SAE1: variants seen among roughly 807,000 people sequenced by gnomAD.
SAE1 encodes SUMO-activating enzyme subunit 1.
SAE1 carries 11 observed loss-of-function variants against 40.6 expected under a neutral mutation model. The observed-to-expected ratio is 0.27, with a 90% confidence interval of 0.17 to 0.45. The LOEUF is 0.45. Among genes scored for constraint, SAE1 ranks in the 20% least tolerant of loss-of-function variants. The pLI, the probability that SAE1 is intolerant of heterozygous loss-of-function variation, is 1.00. For synonymous variants in SAE1, 155 were observed against 154.3 expected (o/e 1.00, Z -0.03); for missense variants, 373 against 427.3 (o/e 0.87, Z 1.12).
At chr19:47,170,503 C>CTTTTTTTTTT (rs34836827) in intron 6 of SAE1, among the ~76,000 whole-genome samples, 4 of 83,910 alleles carry the variant, frequency 4.8e-5, no homozygotes, top group Non-Finnish European at 6.5e-5. Context: ...CGCCCCCCGC[C>CTTTTTTTTTT]TTTTTTTTTT....
chr19:47,161,179 C>CA (rs1330263062), intron 5 of SAE1, among the ~76,000 whole-genome samples: 2 of 98,672 alleles, frequency 2.0e-5, no homozygotes, highest in Admixed American at 1.4e-4. Context: ...CTAATTTTTT[C>CA]GGGTTTTTTT....
intron 5 of SAE1, 74 bp downstream of exon 5, chr19:47,155,287 A>G (rs2058315566): frequency 9.5e-7 from 1 of 1,049,584 alleles, no homozygotes; most frequent in Non-Finnish European, 1.5e-6. Flanking sequence ...ATTGAAAAGG[A>G]TAAGAGCAAG....
intron 3 of SAE1, among the ~76,000 whole-genome samples, chr19:47,152,067 C>G (rs189257671): frequency 6.6e-6 from 1 of 152,212 alleles, no homozygotes; most frequent in African/African-American, 2.4e-5. Context: ...AGTGTTATTT[C>G]GGTATTCAGG....
intron 2 of SAE1, among the ~76,000 whole-genome samples, chr19:47,147,881 C>T (rs2058264359): frequency 6.6e-6 from 1 of 151,730 alleles, no homozygotes. Context: ...GCCTCAGCCT[C>T]CCTAGTAGCT....
intron 6 of SAE1, among the ~76,000 whole-genome samples, chr19:47,190,685 C>G (rs978029703): frequency 3.3e-5 from 5 of 152,126 alleles, no homozygotes; most frequent in Admixed American, 2.0e-4. Flanking sequence ...AGGCAAGGGT[C>G]CCAGAGAAAC....
At chr19:47,135,073 G>T (rs1025761125) in intron 1 of SAE1, among the ~76,000 whole-genome samples, 2 of 152,030 alleles carry the variant, frequency 1.3e-5, no homozygotes, top group African/African-American at 2.4e-5. Flanking sequence ...TATACATTTT[G>T]GGGGTATGTG....
intron 5 of SAE1, among the ~76,000 whole-genome samples, chr19:47,155,525 A>G (rs1041714618): frequency 6.6e-6 from 1 of 151,938 alleles, no homozygotes; most frequent in African/African-American, 2.4e-5. Context: ...CAATGGCATG[A>G]TCTCGGCTCA....
At chr19:47,150,701 T>A (rs2058282709) in intron 3 of SAE1, among the ~76,000 whole-genome samples, 1 of 152,226 alleles carries the variant, frequency 6.6e-6, no homozygotes, top group South Asian at 2.1e-4. Context: ...CTTTAATCCA[T>A]GTTATTGCAA....
chr19:47,158,653 C>T (rs1359628521), intron 5 of SAE1, among the ~76,000 whole-genome samples: 1 of 152,184 alleles, frequency 6.6e-6, no homozygotes, highest in Admixed American at 6.5e-5. Context: ...TGTGGCTGCC[C>T]TCACTGCCGC....
At chr19:47,149,804 A>G (rs2058276404) in intron 2 of SAE1, among the ~76,000 whole-genome samples, 1 of 152,192 alleles carries the variant, frequency 6.6e-6, no homozygotes, top group Admixed American at 6.5e-5. Context: ...AGGGCTGTGC[A>G]CAGTGTTTCA....
chr19:47,148,625 T>G (rs1482702359), intron 2 of SAE1, among the ~76,000 whole-genome samples: 1 of 151,600 alleles, frequency 6.6e-6, no homozygotes, highest in African/African-American at 2.4e-5. Flanking sequence ...TTCTTTTTTT[T>G]TTTTTTTGAG....
At chr19:47,201,939 C>T (rs991968279) in intron 7 of SAE1, among the ~76,000 whole-genome samples, 4 of 152,024 alleles carry the variant, frequency 2.6e-5, no homozygotes, top group Non-Finnish European at 5.9e-5. Flanking sequence ...AGCCCTAGTT[C>T]TCCATGTATT....
intron 5 of SAE1, among the ~76,000 whole-genome samples, chr19:47,161,963 C>G (rs377463153): frequency 3.9e-5 from 6 of 152,214 alleles, no homozygotes; most frequent in African/African-American, 1.4e-4. Flanking sequence ...TTGGTAGCCA[C>G]TAGCCACAGC....
chr19:47,183,210 C>G (rs774998535), intron 6 of SAE1, among the ~76,000 whole-genome samples: 17 of 152,126 alleles, frequency 1.1e-4, no homozygotes, highest in Non-Finnish European at 2.2e-4. Flanking sequence ...GCCACTGTGC[C>G]TGACCGGTTC....
chr19:47,203,760 C>T lies in SAE1; in HGVS notation c.948+20C>T, dbSNP rs1568611895. 3 of 1,605,120 alleles carry T rather than the reference C, an allele frequency of 1.9e-6. No homozygotes were observed. The highest frequency in any genetic ancestry group is 2.6e-6 in the Non-Finnish European group (3 of 1,171,924). ...GTGAAGGTAAAACATCACTGTGGAG[C>T]AGAAAATTGTTAACCATGACTTTGT... On this transcript the variant is annotated intron_variant, in intron 8 of 8. Coordinates refer to ENST00000270225, the MANE Select transcript of SAE1 (RefSeq NM_005500.3).
chr19:47,160,214 ATTT>A lies in SAE1; in HGVS notation c.627+5024_627+5026del, dbSNP rs748289334. ...AGGCCAGAGAGGTTCAAAATCCTGC[ATTT>A]TTTTTTTTTTTTTTTTTTTTTTGAG... On this transcript the variant is annotated intron_variant, in intron 5 of 8. Coordinates refer to ENST00000270225, the MANE Select transcript of SAE1 (RefSeq NM_005500.3). Among the ~76,000 whole-genome samples, 506 of 74,518 alleles carry A rather than the reference ATTT, an allele frequency of 6.8e-3. 2 individuals carry two copies. Among genetic ancestry groups the A allele is most frequent in the African/African-American group, 0.027 (483 of 18,130 alleles). The allele number at this position is 74,518 out of a possible 152,430, so 48.9% of individuals were successfully genotyped here. A position where few individuals can be genotyped will look rare whatever the true frequency, so the allele number is the denominator to read the frequency against.
intron 7 of SAE1, among the ~76,000 whole-genome samples, chr19:47,200,691 C>G (rs2058648284): frequency 6.6e-6 from 1 of 151,956 alleles, no homozygotes; most frequent in South Asian, 2.1e-4. Flanking sequence ...TTGGAATAGC[C>G]CTTGGCAAAC....
intron 6 of SAE1, among the ~76,000 whole-genome samples, chr19:47,195,400 A>T (rs1443506329): frequency 6.6e-6 from 1 of 152,202 alleles, no homozygotes; most frequent in Non-Finnish European, 1.5e-5. Flanking sequence ...GATAAAAGTT[A>T]TAGCCTTGTT....
At chr19:47,203,384 T>C (rs1197561748) in intron 7 of SAE1, among the ~76,000 whole-genome samples, 1 of 152,192 alleles carries the variant, frequency 6.6e-6, no homozygotes, top group Non-Finnish European at 1.5e-5. Context: ...AGGACAGATA[T>C]AGGAAGCACA....
Sources: allele counts gnomAD v4.1 joint callset (sites outside exome capture counted in the v4.1 genomes callset), GRCh38; gene constraint gnomAD v4.1.1; transcripts MANE v1.5; gene names NCBI Gene and HGNC (gene_info 2026-07-23, HGNC 2026-07-21).